SAMD4B: variants seen among roughly 807,000 people sequenced by gnomAD.
The protein encoded by SAMD4B is protein Smaug homolog 2.
A neutral mutation model predicts 74.5 loss-of-function variants in SAMD4B; 5 were observed. The ratio of observed to expected loss-of-function variants is 0.07; its 90% CI spans 0.04 to 0.14. The LOEUF is 0.14. SAMD4B is among the 10% of genes least tolerant of loss of function. The pLI is 1.00. For synonymous variants in SAMD4B, 373 were observed against 374.9 expected (o/e 1.00, Z 0.06); for missense variants, 608 against 921.8 (o/e 0.66, Z 4.41).
At chr19:39,382,187 G>A (rs929377827) in intron 12 of SAMD4B, among the ~76,000 whole-genome samples, 1 of 152,172 alleles carries the variant, frequency 6.6e-6, no homozygotes, top group African/African-American at 2.4e-5. Flanking sequence ...GAGGCCGTGG[G>A]AACCCATCCA....
chr19:39,342,761 C>T (rs958832964), intron 1 of SAMD4B, among the ~76,000 whole-genome samples, 185 bp downstream of exon 1: 3 of 151,498 alleles, frequency 2.0e-5, no homozygotes, highest in Non-Finnish European at 4.4e-5. Flanking sequence ...AGCCCCGCGC[C>T]CGTCCCCAGT....
intron 2 of SAMD4B, among the ~76,000 whole-genome samples, chr19:39,356,409 T>G (rs1034789457): frequency 6.6e-6 from 1 of 152,182 alleles, no homozygotes; most frequent in African/African-American, 2.4e-5. Context: ...CTGTGTTAAA[T>G]CCGCTTCCTT....
downstream of SAMD4B, chr19:39,388,279 A>G: frequency 1.9e-6 from 3 of 1,586,456 alleles, no homozygotes; most frequent in South Asian, 2.2e-5. Context: ...TGGCTCTTGC[A>G]TGCCCCAGGG....
chr19:39,389,493 T>C (rs139648322), downstream of SAMD4B: 332 of 1,614,060 alleles, frequency 2.1e-4, 1 homozygote, highest in African/African-American at 3.2e-3. The surrounding 1 kb of genome is among the most constrained non-coding windows in gnomAD (Gnocchi z 5.3). Context: ...TTGGAGCTGG[T>C]GGGGGCCTGA....
chr19:39,388,313 T>A (rs1478314041), downstream of SAMD4B: 1 of 1,613,494 alleles, frequency 6.2e-7, no homozygotes, highest in Non-Finnish European at 8.5e-7. Context: ...AGATCCAGGC[T>A]AATCAGATAG....
In SAMD4B at chr19:39,378,071, G is replaced by GA. The variant is rs1252510827; in HGVS notation, c.1444+247_1444+248insA. Reference sequence around the variant, plus strand: ...CAGGCTGAGCAGAAATGGGGCAGTGGGTCAGAAGAAATTCCATGTAGTAAA... The same window carrying GA: ...CAGGCTGAGCAGAAATGGGGCAGTGGAGTCAGAAGAAATTCCATGTAGTAAA... On this transcript the variant is annotated intron_variant, in intron 8 of 13. Transcript: ENST00000610417. This position sits in a 1 kb window ranked among gnomAD's most constrained non-coding sequence, Gnocchi z 4.4. Among the ~76,000 whole-genome samples the GA allele has an allele frequency of 4.1e-3, 624 of 152,284 alleles. 4 individuals are homozygous for GA. The highest frequency in any genetic ancestry group is 0.014 in the African/African-American group (592 of 41,558).
intron 12 of SAMD4B, among the ~76,000 whole-genome samples, chr19:39,381,945 C>G (rs2078015950): frequency 6.6e-6 from 1 of 152,162 alleles, no homozygotes; most frequent in Admixed American, 6.6e-5. Context: ...GATGTTGGGA[C>G]AAGTGGGCAA....
At chr19:39,366,402 G>A (rs1004814693) in intron 3 of SAMD4B, among the ~76,000 whole-genome samples, 38 of 152,046 alleles carry the variant, frequency 2.5e-4, no homozygotes, top group Admixed American at 1.7e-3. Context: ...ACCCGGAGGC[G>A]GAGGTTGCAG....
At chr19:39,365,105 G>A (rs149033111) in intron 3 of SAMD4B, among the ~76,000 whole-genome samples, 68 of 152,080 alleles carry the variant, frequency 4.5e-4, no homozygotes, top group Middle Eastern at 3.4e-3. Context: ...AATTAGCCGG[G>A]TGTGGTGGCG....
intron 2 of SAMD4B, among the ~76,000 whole-genome samples, chr19:39,354,621 T>C (rs1027324768): frequency 3.3e-5 from 5 of 152,096 alleles, no homozygotes; most frequent in African/African-American, 1.2e-4. Context: ...AGATGATACC[T>C]GAGAGTGCCA....
downstream of SAMD4B, chr19:39,389,909 G>C: frequency 8.6e-7 from 1 of 1,163,514 alleles, no homozygotes; most frequent in South Asian, 1.3e-5. The surrounding 1 kb of genome is among the most constrained non-coding windows in gnomAD (Gnocchi z 5.3). Flanking sequence ...CAGTGGGAAG[G>C]GACTTGGACA....
At chr19:39,386,339 G>A (rs56222321), downstream of SAMD4B, 3,166 of 1,614,012 alleles carry the variant, frequency 2.0e-3, 5 homozygotes, top group Middle Eastern at 4.5e-3. The surrounding 1 kb of genome is among the most constrained non-coding windows in gnomAD (Gnocchi z 6.1). Context: ...GTTCACTCTC[G>A]CTGCCCGAGT....
intron 1 of SAMD4B, among the ~76,000 whole-genome samples, chr19:39,348,705 G>T (rs1329121794): frequency 1.3e-5 from 2 of 152,132 alleles, no homozygotes; most frequent in African/African-American, 2.4e-5. Flanking sequence ...AGCTCACTTT[G>T]GTTTCTGGGA....
intron 4 of SAMD4B, among the ~76,000 whole-genome samples, chr19:39,373,928 C>T (rs965250647): frequency 2.6e-5 from 4 of 151,358 alleles, no homozygotes; most frequent in African/African-American, 9.8e-5. Context: ...TGTGCCACTG[C>T]ACTCCAGGCT....
At chr19:39,381,779 G>T (rs1264323093) in intron 12 of SAMD4B, among the ~76,000 whole-genome samples, 1 of 152,114 alleles carries the variant, frequency 6.6e-6, no homozygotes, top group Non-Finnish European at 1.5e-5. Flanking sequence ...AAAAAATACA[G>T]AAATTATCTG....
chr19:39,375,927 G>T lies in SAMD4B; in HGVS notation c.907+38G>T. The T allele has an allele frequency of 6.3e-7, 1 of 1,589,790 alleles. No individual in the cohort carries two copies. The highest frequency in any genetic ancestry group is 1.1e-5 in the South Asian group (1 of 90,476). On this transcript the variant is annotated intron_variant, in intron 5 of 13. Coordinates refer to ENST00000610417, the MANE Select transcript of SAMD4B (RefSeq NM_001384574.2). The surrounding 1 kb of genome is among the most constrained non-coding windows in gnomAD (Gnocchi z 4.1). ...CAGCAGCACCAGGACCCTTTTCCAG[G>T]GGCTTCTGCAGAGCTTAGAGGACAG...
intron 3 of SAMD4B, among the ~76,000 whole-genome samples, chr19:39,364,554 T>C (rs2076843120): frequency 5.9e-5 from 9 of 152,178 alleles, no homozygotes. Flanking sequence ...CCTTGACTTA[T>C]TTTTATTTTT....
intron 3 of SAMD4B, among the ~76,000 whole-genome samples, chr19:39,365,044 C>T (rs1345897837): frequency 6.7e-6 from 1 of 149,804 alleles, no homozygotes; most frequent in Non-Finnish European, 1.5e-5. Context: ...TCGAGACCAT[C>T]CTGGCTAACA....
rs897565026 is a variant in SAMD4B at position 39,375,587 on chromosome 19, G to T, written c.668-63G>T. ...CTGCCATCCTGGCACTGACGGCAGGGGGATGGTCTCCTGTGGTTGGGTCCC... is the reference window on the plus strand; with the variant it reads ...CTGCCATCCTGGCACTGACGGCAGGTGGATGGTCTCCTGTGGTTGGGTCCC... On this transcript the variant is annotated intron_variant, in intron 4 of 13. Transcript: ENST00000610417. This position sits in a 1 kb window ranked among gnomAD's most constrained non-coding sequence, Gnocchi z 4.1. 1.5e-5 allele frequency: 23 copies of T among 1,563,372 alleles called. No individual in the cohort carries two copies. Among genetic ancestry groups the T allele is most frequent in the Non-Finnish European group, 1.9e-5 (22 of 1,147,326 alleles).
Sources: allele counts gnomAD v4.1 joint callset (sites outside exome capture counted in the v4.1 genomes callset), GRCh38; gene constraint gnomAD v4.1.1; non-coding constraint Gnocchi (gnomAD v3.1); transcripts MANE v1.5; gene names NCBI Gene and HGNC (gene_info 2026-07-23, HGNC 2026-07-21).